ATRX: variants seen among roughly 807,000 people sequenced by gnomAD.
The protein encoded by ATRX is chromatin remodeler ATRX.
In ATRX, 12 loss-of-function variants were observed where a neutral mutation model predicts 172.6. That is an observed-to-expected ratio of 0.07 (90% confidence interval 0.04 to 0.11). The LOEUF (loss-of-function observed/expected upper bound fraction) is 0.11. ATRX is among the 10% of genes least tolerant of loss of function. The pLI is 1.00. For synonymous variants in ATRX, 674 were observed against 594.7 expected, an observed-to-expected ratio of 1.13 and a Z score of -1.94; for missense variants, 1,368 against 1,767.4, an observed-to-expected ratio of 0.77 and a Z score of 4.05.
intron 12 of ATRX, among the ~76,000 whole-genome samples, chrX:77,660,876 A>G (rs2069850372): frequency 1.8e-5 from 2 of 111,563 alleles, no homozygotes; most frequent in Admixed American, 9.5e-5. Context: ...TGACAACTCT[A>G]AAAACCTGAC....
intron 1 of ATRX, among the ~76,000 whole-genome samples, chrX:77,769,225 G>T (rs782514874): frequency 9.0e-6 from 1 of 110,630 alleles, no homozygotes; most frequent in African/African-American, 3.3e-5. Context: ...AATGGGAAAA[G>T]CAGCAAATTA....
intron 30 of ATRX, among the ~76,000 whole-genome samples, chrX:77,554,196 T>C (rs2064676087): frequency 9.0e-6 from 1 of 110,613 alleles, no homozygotes; most frequent in South Asian, 3.9e-4. Flanking sequence ...CCTCAGCTAC[T>C]CGGGAAGCCG....
intron 12 of ATRX, among the ~76,000 whole-genome samples, chrX:77,658,590 T>A (rs2069683805): frequency 8.9e-6 from 1 of 112,453 alleles, no homozygotes; most frequent in African/African-American, 3.2e-5. Context: ...ATAGTAAATA[T>A]TTTTGACTTG....
chrX:77,714,987 A>G (rs1008079903), intron 2 of ATRX, among the ~76,000 whole-genome samples: 4 of 111,557 alleles, frequency 3.6e-5, no homozygotes, highest in Non-Finnish European at 7.5e-5. Flanking sequence ...TGGTGTTGCC[A>G]TTTCAAATTA....
intron 19 of ATRX, among the ~76,000 whole-genome samples, chrX:77,626,492 A>G (rs1557103048): frequency 9.0e-6 from 1 of 111,693 alleles, no homozygotes; most frequent in African/African-American, 3.3e-5. Context: ...GAAAGATATG[A>G]CAAATATATT....
At chrX:77,622,163 T>C (rs1399651416) in intron 19 of ATRX, among the ~76,000 whole-genome samples, 2 of 111,640 alleles carry the variant, frequency 1.8e-5, no homozygotes, top group African/African-American at 6.5e-5. Context: ...TTTCTAGGAA[T>C]TGGTCCCAAA....
At chrX:77,550,797 C>G (rs1378659545) in intron 30 of ATRX, among the ~76,000 whole-genome samples, 1 of 111,657 alleles carries the variant, frequency 9.0e-6, no homozygotes. Context: ...GTGCAAAAAT[C>G]ACAAGCATTC....
chrX:77,675,473 G>A (rs1259546494), intron 10 of ATRX: 1 of 111,600 alleles, frequency 9.0e-6, no homozygotes, highest in Non-Finnish European at 1.9e-5. Flanking sequence ...CATGGGGTAT[G>A]CTATTGTCCA....
chrX:77,612,092 C>T (rs1602825083), intron 22 of ATRX, among the ~76,000 whole-genome samples: 1 of 111,011 alleles, frequency 9.0e-6, no homozygotes, highest in African/African-American at 3.3e-5. Context: ...TCCATGTTCC[C>T]CTTGTCTAGT....
At chrX:77,513,571 T>A (rs1462450191) in intron 34 of ATRX, among the ~76,000 whole-genome samples, 11 of 110,123 alleles carry the variant, frequency 1.0e-4, no homozygotes, top group South Asian at 3.9e-4. Context: ...GGGGAATGAG[T>A]GAGTTGAAGT....
At chrX:77,639,121 A>G (rs964132473) in intron 15 of ATRX, among the ~76,000 whole-genome samples, 6 of 111,986 alleles carry the variant, frequency 5.4e-5, no homozygotes, top group African/African-American at 1.6e-4. Flanking sequence ...CATCTGATAT[A>G]AACACCCTGC....
intron 26 of ATRX, among the ~76,000 whole-genome samples, chrX:77,590,707 GA>G (rs1557079981): frequency 9.2e-6 from 1 of 108,872 alleles, no homozygotes. Context: ...ACATCCACAT[GA>G]AAAAAAGTGA....
intron 30 of ATRX, among the ~76,000 whole-genome samples, chrX:77,548,990 T>A (rs782592125): frequency 8.4e-4 from 94 of 112,440 alleles, no homozygotes; most frequent in African/African-American, 3.0e-3. Flanking sequence ...AAAACATTTC[T>A]ATGCCAGTTT....
At chrX:77,712,434 G>T (rs1349445766) in intron 2 of ATRX, among the ~76,000 whole-genome samples, 1 of 112,550 alleles carries the variant, frequency 8.9e-6, no homozygotes, top group Non-Finnish European at 1.9e-5. Flanking sequence ...GAACTTTAAA[G>T]AAATACTGAA....
chrX:77,600,706 G>T, intron 22 of ATRX, 142 bp from the exon 23 acceptor site: 1 of 590,388 alleles, frequency 1.7e-6, no homozygotes, highest in Non-Finnish European at 2.7e-6. Flanking sequence ...ATATCGTTTT[G>T]AAACACATAA....
At chrX:77,645,222 T>A (rs1298233793) in intron 15 of ATRX, among the ~76,000 whole-genome samples, 1 of 111,846 alleles carries the variant, frequency 8.9e-6, no homozygotes, top group Non-Finnish European at 1.9e-5. Context: ...CATAGCTTAC[T>A]GTATCCTCGA....
At chrX:77,681,154 TCATACCAGTACCAAG>T (rs2071164439) in intron 9 of ATRX, among the ~76,000 whole-genome samples, 1 of 111,796 alleles carries the variant, frequency 8.9e-6, no homozygotes, top group Admixed American at 9.5e-5. Flanking sequence ...ACACACCATG[TCATACCAGTACCAAG>T]CACTCACTTC....
chrX:77,710,301 TAAAA>T (rs781803603), intron 2 of ATRX, among the ~76,000 whole-genome samples: 1 of 74,229 alleles, frequency 1.3e-5, no homozygotes, highest in African/African-American at 4.9e-5. Context: ...TCCATTTCAA[TAAAA>T]AAAAAAAAAA....
chrX:77,729,908 G>A (rs2074225669), intron 1 of ATRX, among the ~76,000 whole-genome samples: 1 of 112,058 alleles, frequency 8.9e-6, no homozygotes, highest in Admixed American at 9.5e-5. Context: ...CCGCACTCCA[G>A]CCTGGGCAAC....
Sources: allele counts gnomAD v4.1 joint callset (sites outside exome capture counted in the v4.1 genomes callset), GRCh38; gene constraint gnomAD v4.1.1; transcripts MANE v1.5; gene names NCBI Gene and HGNC (gene_info 2026-07-23, HGNC 2026-07-21).